The following EZH2 variants were observed in gnomAD, a reference collection of about 807,000 sequenced individuals.
The protein encoded by EZH2 is histone-lysine N-methyltransferase EZH2.
Under a neutral mutation model 98.4 loss-of-function variants are expected in EZH2, and 18 were observed. That is an observed-to-expected ratio of 0.18 (90% CI 0.13 to 0.27). EZH2 has a LOEUF of 0.27. Ranked by LOEUF, EZH2 falls within the 10% of genes least tolerant of loss-of-function variation. The probability of loss-of-function intolerance (pLI) is 1.00; values close to 1 mark genes in which losing one functional copy is unlikely to be tolerated. For missense variants in EZH2, 470 were observed against 935.1 expected (o/e 0.50, Z 6.49); for synonymous variants, 338 against 312.3 (o/e 1.08, Z -0.87).
intron 3 of EZH2, among the ~76,000 whole-genome samples, chr7:148,842,530 T>C (rs1243119444): frequency 6.6e-6 from 1 of 152,198 alleles, no homozygotes; most frequent in Non-Finnish European, 1.5e-5. Context: ...ATTATGGGAA[T>C]AAAATGTACA....
intron 1 of EZH2, among the ~76,000 whole-genome samples, chr7:148,850,796 A>G (rs1184494398): frequency 6.6e-6 from 1 of 152,208 alleles, no homozygotes; most frequent in East Asian, 1.9e-4. Context: ...AGCTGCAGAT[A>G]GTACTAAACT....
At chr7:148,878,633 T>A (rs1820502974) in intron 1 of EZH2, among the ~76,000 whole-genome samples, 1 of 152,248 alleles carries the variant, frequency 6.6e-6, no homozygotes, top group South Asian at 2.1e-4. Context: ...GTGCAGTGGG[T>A]CACACCTATA....
chr7:148,807,568 T>C lies in EZH2; in HGVS notation c.*78A>G. ...CAGAATTTCAAACTGCATGTTCTTT[T>C]TCTAAATTGCCCACAGTACTCGAGG... is the stretch of plus-strand genomic sequence containing the variant. On this transcript the variant is annotated 3_prime_UTR_variant, in exon 20 of 20. Coordinates refer to ENST00000320356, the MANE Select transcript of EZH2 (RefSeq NM_004456.5). The C allele has an allele frequency of 8.6e-7, 1 of 1,168,820 alleles. No individual in the cohort carries two copies. Among genetic ancestry groups the C allele is most frequent in the Admixed American group, 2.0e-5 (1 of 49,904 alleles). The allele number at this position is 1,168,820 out of a possible 1,614,324, so 72.4% of individuals were successfully genotyped here. A position where few individuals can be genotyped will look rare whatever the true frequency, so the allele number is the denominator to read the frequency against.
intron 1 of EZH2, among the ~76,000 whole-genome samples, chr7:148,882,037 CT>C (rs1821075148): frequency 6.6e-6 from 1 of 151,230 alleles, no homozygotes; most frequent in South Asian, 2.1e-4. Flanking sequence ...TGCCAAAAAT[CT>C]GCATAACTAC....
At chr7:148,821,597 G>C (rs751428144) in intron 8 of EZH2, among the ~76,000 whole-genome samples, 1 of 152,152 alleles carries the variant, frequency 6.6e-6, no homozygotes, top group South Asian at 2.1e-4. Context: ...GCCCAAAGTA[G>C]GAGCATCACT....
At chr7:148,856,108 A>T (rs1310858282) in intron 1 of EZH2, among the ~76,000 whole-genome samples, 1 of 152,150 alleles carries the variant, frequency 6.6e-6, no homozygotes, top group African/African-American at 2.4e-5. Flanking sequence ...TAACAGTATT[A>T]TAATTTTATG....
chr7:148,858,398 C>T (rs10952781), intron 1 of EZH2, among the ~76,000 whole-genome samples: 43,275 of 151,972 alleles, frequency 0.28, 7,639 homozygotes, highest in Non-Finnish European at 0.39. Context: ...TTCCGTGGCC[C>T]GACCGTAGCT....
At chr7:148,807,774 A>G in intron 19 of EZH2, 68 bp from the exon 20 acceptor site, 1 of 1,022,232 alleles carries the variant, frequency 9.8e-7, no homozygotes, top group Non-Finnish European at 1.5e-6. Context: ...ACTTAACACA[A>G]CAAAGCCTGC....
intron 1 of EZH2, among the ~76,000 whole-genome samples, chr7:148,882,746 CTAA>C (rs1382200963): frequency 2.0e-5 from 3 of 152,026 alleles, no homozygotes; most frequent in East Asian, 1.9e-4. Flanking sequence ...CAAAATTAAA[CTAA>C]TAATAACTTG....
At chr7:148,859,576 G>A (rs2129487965) in intron 1 of EZH2, among the ~76,000 whole-genome samples, 1 of 152,184 alleles carries the variant, frequency 6.6e-6, no homozygotes, top group South Asian at 2.1e-4. Context: ...TGAGTGCTAT[G>A]GGAGAAAAAA....
chr7:148,818,188 A>T, intron 9 of EZH2, 71 bp from the exon 10 acceptor site: 1 of 1,459,860 alleles, frequency 6.8e-7, no homozygotes, highest in Non-Finnish European at 9.2e-7. Flanking sequence ...AAAAAAAAAT[A>T]CTATATAAGC....
chr7:148,878,424 C>G (rs111703716), intron 1 of EZH2, among the ~76,000 whole-genome samples: 1,709 of 152,322 alleles, frequency 0.011, 33 homozygotes, highest in African/African-American at 0.039. Context: ...TATTCTCCAG[C>G]TCCATCCATG....
chr7:148,835,419 G>A (rs1020245911), intron 3 of EZH2, among the ~76,000 whole-genome samples: 10 of 137,130 alleles, frequency 7.3e-5, no homozygotes, highest in South Asian at 2.3e-4. Context: ...GGGAGACCCC[G>A]CCTCAAAAAA....
rs2129467676 is a variant in EZH2 at position 148,809,352 on chromosome 7, G to A, written c.2068C>T (p.Arg690Cys). The A allele has an allele frequency of 6.2e-7, 1 of 1,604,250 alleles. No individual in the cohort carries two copies. Among genetic ancestry groups the A allele is most frequent in the Non-Finnish European group, 8.5e-7 (1 of 1,171,600 alleles). The change falls in exon 18 of 20, where the codon CGT (arginine) becomes TGT (cysteine). Residue 690 changes from arginine (R) to cysteine (C), a missense_variant. By Grantham distance (180) the Arg-to-Cys change is radical (BLOSUM62 -3). Coordinates refer to ENST00000320356, the MANE Select transcript of EZH2 (RefSeq NM_004456.5). The stretch of plus-strand genomic sequence containing the variant: ...GGATTTACCGAATGATTTGCAAAAC[G>A]AATTTTGTTACCCTTGCGGGTTGCA... ...VDATRKGNKI[R>C]FANHSVNPNC...
At position 148,815,139 on chromosome 7, in the gene EZH2, G is replaced by A. The variant is rs183343901; in HGVS notation, c.1547-100C>T. On this transcript the variant is annotated intron_variant, in intron 13 of 19. Transcript: ENST00000320356. ...CATTCTTCCCTACTACCTGTGGAGT[G>A]TAGCTGGCCTGCCTTTACTGAATGC... 3,909 of 1,427,346 alleles carry A rather than the reference G, an allele frequency of 2.7e-3. 12 individuals are homozygous for A. Among genetic ancestry groups the A allele is most frequent in the South Asian group, 4.4e-3 (319 of 72,352 alleles). 88.4% of individuals were successfully genotyped at this position (1,427,346 alleles called of 1,614,324 possible).
chr7:148,828,337 C>T (rs1808341130), intron 6 of EZH2, among the ~76,000 whole-genome samples: 1 of 149,630 alleles, frequency 6.7e-6, no homozygotes, highest in Admixed American at 6.7e-5. Context: ...AAGTATTATG[C>T]TTTTTTTTTT....
chr7:148,869,497 C>G (rs562689878), intron 1 of EZH2, among the ~76,000 whole-genome samples: 1 of 152,086 alleles, frequency 6.6e-6, no homozygotes, highest in African/African-American at 2.4e-5. Flanking sequence ...AGGCAAATGC[C>G]ACCACATGTG....
chr7:148,815,620 G>C (rs1241052423), intron 12 of EZH2, 74 bp from the exon 13 acceptor site: 4 of 1,293,086 alleles, frequency 3.1e-6, no homozygotes, highest in African/African-American at 2.9e-5. Context: ...TGCTTAACTG[G>C]ATCTATCTGT....
intron 1 of EZH2, among the ~76,000 whole-genome samples, chr7:148,863,929 A>G (rs897224645): frequency 6.6e-6 from 1 of 152,258 alleles, no homozygotes; most frequent in Admixed American, 6.5e-5. Context: ...GATTACATGT[A>G]CATGAAAGTA....
Sources: allele counts gnomAD v4.1 joint callset (sites outside exome capture counted in the v4.1 genomes callset), GRCh38; gene constraint gnomAD v4.1.1; transcripts MANE v1.5; gene names NCBI Gene and HGNC (gene_info 2026-07-23, HGNC 2026-07-21).